SLC25A48: variants seen among roughly 807,000 people sequenced by gnomAD.
SLC25A48 encodes CTC-321K16.1.
Under a neutral mutation model 32.2 loss-of-function variants are expected in SLC25A48, and 29 were observed. That is an observed-to-expected ratio of 0.90 (90% CI 0.67 to 1.23). SLC25A48 has a LOEUF of 1.23. SLC25A48 is among the 50% of genes most tolerant of loss of function. SLC25A48 has a pLI of 0.00. For synonymous variants in SLC25A48, 164 were observed against 172.3 expected (o/e 0.95, Z 0.38); for missense variants, 399 against 422.7 (o/e 0.94, Z 0.49).
At chr5:135,699,674 G>C (rs1471591047) in intron 3 of SLC25A48, among the ~76,000 whole-genome samples, 3 of 152,172 alleles carry the variant, frequency 2.0e-5, no homozygotes, top group Non-Finnish European at 4.4e-5. Context: ...TTCATAACTT[G>C]ATTTTAAAAA....
intron 1 of SLC25A48, among the ~76,000 whole-genome samples, chr5:135,621,388 G>C (rs1752321651): frequency 6.6e-6 from 1 of 152,130 alleles, no homozygotes; most frequent in South Asian, 2.1e-4. Flanking sequence ...ATTCTAAAAG[G>C]ATTTTTGGGA....
intron 5 of SLC25A48, chr5:135,872,079 C>T (rs1459758369): frequency 1.2e-5 from 13 of 1,093,314 alleles, no homozygotes; most frequent in South Asian, 4.5e-5. Context: ...AGGTAGGAAT[C>T]GGTTTCCCCA....
chr5:135,697,802 C>T (rs915138363), intron 3 of SLC25A48, among the ~76,000 whole-genome samples: 1 of 152,188 alleles, frequency 6.6e-6, no homozygotes, highest in African/African-American at 2.4e-5. Flanking sequence ...AGGAATGCAT[C>T]AGCAGGCTCC....
intron 3 of SLC25A48, among the ~76,000 whole-genome samples, chr5:135,710,393 G>T (rs117578337): frequency 6.6e-6 from 1 of 152,228 alleles, no homozygotes; most frequent in Admixed American, 6.5e-5. Flanking sequence ...ATGAAAGGGT[G>T]TGATGCCTCT....
chr5:135,809,646 C>G (rs1182174222), intron 3 of SLC25A48, among the ~76,000 whole-genome samples: 1 of 152,184 alleles, frequency 6.6e-6, no homozygotes, highest in Non-Finnish European at 1.5e-5. Context: ...CAACTCTCCC[C>G]CAACCTCTGG....
chr5:135,757,623 A>G (rs1755949205), intron 3 of SLC25A48, among the ~76,000 whole-genome samples: 1 of 149,598 alleles, frequency 6.7e-6, no homozygotes. Flanking sequence ...TATTAATAAA[A>G]TATCTAGATA....
chr5:135,811,096 T>A (rs1757580475), intron 3 of SLC25A48, among the ~76,000 whole-genome samples: 1 of 152,152 alleles, frequency 6.6e-6, no homozygotes, highest in African/African-American at 2.4e-5. Context: ...ATCCTGCCTC[T>A]GGATCCCCCT....
intron 1 of SLC25A48, among the ~76,000 whole-genome samples, chr5:135,605,656 C>T (rs1286479134): frequency 6.6e-6 from 1 of 152,206 alleles, no homozygotes. Context: ...GGAATTTGGC[C>T]ATTCTGAAAC....
intron 4 of SLC25A48, among the ~76,000 whole-genome samples, chr5:135,859,422 C>T (rs1760603698): frequency 6.6e-6 from 1 of 152,214 alleles, no homozygotes. Flanking sequence ...TACCAGATCC[C>T]TCCCATGACA....
intron 3 of SLC25A48, among the ~76,000 whole-genome samples, chr5:135,705,353 G>A (rs910885104): frequency 3.9e-5 from 6 of 152,210 alleles, no homozygotes; most frequent in African/African-American, 1.2e-4. Flanking sequence ...GTGAGGCTTT[G>A]GGCATGTTCT....
upstream of SLC25A48, among the ~76,000 whole-genome samples, chr5:135,832,937 C>T (rs1428364225): frequency 6.6e-6 from 1 of 152,326 alleles, no homozygotes; most frequent in East Asian, 1.9e-4. Context: ...CCTGCCCTCT[C>T]CCGAGTGTAG....
At chr5:135,855,459 TG>T (rs1487184193) in intron 4 of SLC25A48, among the ~76,000 whole-genome samples, 4 of 152,222 alleles carry the variant, frequency 2.6e-5, no homozygotes, top group Admixed American at 2.6e-4. Context: ...GTGAGGCAGA[TG>T]CTGCTATCTC....
intron 3 of SLC25A48, among the ~76,000 whole-genome samples, chr5:135,807,865 G>C (rs1040962460): frequency 8.0e-5 from 12 of 149,480 alleles, no homozygotes; most frequent in African/African-American, 2.2e-4. Context: ...AAATATCATA[G>C]ATATTTTCTT....
At chr5:135,882,888 T>C (rs1762578562) in intron 7 of SLC25A48, among the ~76,000 whole-genome samples, 1 of 152,202 alleles carries the variant, frequency 6.6e-6, no homozygotes, top group Non-Finnish European at 1.5e-5. Context: ...GCTCTTATGA[T>C]ACCTTTGCTG....
intron 4 of SLC25A48, among the ~76,000 whole-genome samples, chr5:135,865,185 G>T (rs998031600): frequency 1.9e-4 from 29 of 152,200 alleles, no homozygotes; most frequent in African/African-American, 5.5e-4. Context: ...CTTGCATGGG[G>T]TTGTACATTA....
At position 135,786,980 on chromosome 5, in the gene SLC25A48, T is replaced by C. The variant is rs147893994; in HGVS notation, c.-520-25543T>C. Among the ~76,000 whole-genome samples the C allele has an allele frequency of 7.4e-3, 1,133 of 152,094 alleles. 5 individuals carry two copies. Among genetic ancestry groups the C allele is most frequent in the South Asian group, 0.031 (147 of 4,804 alleles). On this transcript the variant is annotated intron_variant, in intron 3 of 10. Transcript: ENST00000646290. ...TCCTAATGTCACAGTGTGTGTACAC[T>C]ATGTGTATACACTCTGTGATATTAT...
rs537451781 is a variant in SLC25A48 at position 135,598,023 on chromosome 5, A to AAAAC, written c.-849+18450_-849+18453dup. ...TGTCTTAAAAAAAAAATCAAACCAA[A>AAAAC]AAACAAACAAACAAACAAACAAACA... On this transcript the variant is annotated intron_variant, in intron 1 of 10. Coordinates refer to the SLC25A48 transcript ENST00000646290. Among the ~76,000 whole-genome samples the AAAAC allele has an allele frequency of 2.2e-3, 325 of 147,076 alleles. 2 individuals are homozygous for AAAAC. The highest frequency in any genetic ancestry group is 7.2e-3 in the African/African-American group (269 of 37,166).
intron 2 of SLC25A48, among the ~76,000 whole-genome samples, chr5:135,843,634 C>A (rs935006206): frequency 2.0e-5 from 3 of 152,142 alleles, no homozygotes; most frequent in African/African-American, 7.2e-5. Context: ...GCCAGGGAGG[C>A]AGCTAAGTTG....
intron 1 of SLC25A48, among the ~76,000 whole-genome samples, chr5:135,841,712 G>T (rs531408969): frequency 3.3e-5 from 5 of 151,470 alleles, no homozygotes; most frequent in Admixed American, 6.6e-5. Flanking sequence ...TGTGTGGGTG[G>T]GGGGTATAAA....
Sources: gnomAD v4.1 joint callset for allele counts (sites outside exome capture counted in the v4.1 genomes callset) on GRCh38, gnomAD v4.1.1 for gene constraint, MANE v1.5 for transcripts, NCBI Gene and HGNC (gene_info 2026-07-23, HGNC 2026-07-21) for gene names.